ARFGEF1: variants seen among roughly 807,000 people sequenced by gnomAD.
ARFGEF1 encodes ARF guanine nucleotide exchange factor 1, also known as brefeldin A-inhibited guanine nucleotide-exchange protein 1.
A neutral mutation model predicts 231.0 loss-of-function variants in ARFGEF1; 42 were observed. The observed-to-expected ratio is 0.18, with a 90% CI of 0.14 to 0.24. ARFGEF1 has a LOEUF of 0.24. Ranked by LOEUF, ARFGEF1 falls within the 10% of genes least tolerant of loss-of-function variation. The probability of loss-of-function intolerance (pLI) is 1.00; values close to 1 mark genes in which losing one functional copy is unlikely to be tolerated. For synonymous variants in ARFGEF1, 710 were observed against 732.3 expected, an observed-to-expected ratio of 0.97 and a Z score of 0.49; for missense variants, 1,345 against 2,192.0, an observed-to-expected ratio of 0.61 and a Z score of 7.72.
intron 14 of ARFGEF1, among the ~76,000 whole-genome samples, chr8:67,264,093 A>G (rs1314504640): frequency 6.6e-6 from 1 of 152,154 alleles, no homozygotes; most frequent in Non-Finnish European, 1.5e-5. Flanking sequence ...GTATTATCAT[A>G]CCTTCAAAGC....
At chr8:67,263,027 T>C (rs930794693) in intron 14 of ARFGEF1, among the ~76,000 whole-genome samples, 2 of 152,200 alleles carry the variant, frequency 1.3e-5, no homozygotes, top group African/African-American at 4.8e-5. Context: ...CTTGGCTCAT[T>C]TGTCCAAATT....
At chr8:67,207,998 T>C (rs1838582490) in intron 34 of ARFGEF1, among the ~76,000 whole-genome samples, 1 of 152,204 alleles carries the variant, frequency 6.6e-6, no homozygotes, top group African/African-American at 2.4e-5. Context: ...GACCAAGTCC[T>C]GCCCTCACAA....
chr8:67,301,100 G>T, intron 3 of ARFGEF1, 124 bp downstream of exon 3: 2 of 950,770 alleles, frequency 2.1e-6, no homozygotes, highest in Non-Finnish European at 3.0e-6. Flanking sequence ...AAATCACTTG[G>T]ATTTTTTACC....
intron 10 of ARFGEF1, 70 bp from the exon 11 acceptor site, chr8:67,267,512 TC>T: frequency 9.7e-7 from 1 of 1,029,240 alleles, no homozygotes; most frequent in Non-Finnish European, 1.5e-6. Context: ...TTTTTAAACA[TC>T]CCAGAGCTAT....
intron 1 of ARFGEF1, among the ~76,000 whole-genome samples, chr8:67,310,355 T>G (rs545729348): frequency 6.6e-6 from 1 of 152,254 alleles, no homozygotes; most frequent in African/African-American, 2.4e-5. Context: ...AGCCTCAGCC[T>G]CCCGAGGTGC....
chr8:67,219,604 C>A, intron 29 of ARFGEF1, 44 bp from the exon 30 acceptor site: 2 of 1,536,632 alleles, frequency 1.3e-6, no homozygotes, highest in African/African-American at 2.8e-5. Context: ...TACAAAAAAG[C>A]ATACTTCTCC....
intron 20 of ARFGEF1, among the ~76,000 whole-genome samples, chr8:67,239,576 C>G (rs1223275707): frequency 1.3e-5 from 2 of 151,646 alleles, no homozygotes; most frequent in Non-Finnish European, 2.9e-5. Flanking sequence ...GTTTTGATTA[C>G]TAGATTAGCA....
At chr8:67,339,790 T>TGGGGGGGG (rs1479485264) in intron 1 of ARFGEF1, among the ~76,000 whole-genome samples, 1 of 420 alleles carries the variant, frequency 2.4e-3, no homozygotes, top group African/African-American at 4.9e-3. Context: ...TGTAACAGTG[T>TGGGGGGGG]GGGGCGGGGG....
At chr8:67,338,241 C>T (rs1808438945) in intron 1 of ARFGEF1, among the ~76,000 whole-genome samples, 1 of 152,112 alleles carries the variant, frequency 6.6e-6, no homozygotes, top group African/African-American at 2.4e-5. Flanking sequence ...CTACTTTCCC[C>T]AAACCTGTGT....
chr8:67,210,777 A>T (rs1838706217), intron 34 of ARFGEF1, among the ~76,000 whole-genome samples: 1 of 152,094 alleles, frequency 6.6e-6, no homozygotes, highest in African/African-American at 2.4e-5. Context: ...TGACATGGCC[A>T]GGCGCAGTGG....
chr8:67,342,533 C>A (rs1334482172), intron 1 of ARFGEF1, among the ~76,000 whole-genome samples: 1 of 152,048 alleles, frequency 6.6e-6, no homozygotes, highest in Non-Finnish European at 1.5e-5. Context: ...GCCACCCCCA[C>A]CCTCACCCCT....
chr8:67,304,675 C>T (rs1007962485), intron 1 of ARFGEF1, among the ~76,000 whole-genome samples: 4 of 152,096 alleles, frequency 2.6e-5, no homozygotes, highest in Non-Finnish European at 2.9e-5. Context: ...AAATATTAGC[C>T]GGGCATGGCG....
chr8:67,213,847 T>G (rs368405287), intron 33 of ARFGEF1, among the ~76,000 whole-genome samples: 1 of 152,194 alleles, frequency 6.6e-6, no homozygotes. Context: ...CCTACAAAAT[T>G]TCAAACCTGC....
intron 38 of ARFGEF1, 102 bp downstream of exon 38, chr8:67,200,294 T>A (rs576710798): frequency 1.2e-6 from 1 of 846,018 alleles, no homozygotes; most frequent in Non-Finnish European, 2.1e-6. Flanking sequence ...TGGGCACTGC[T>A]TGATTCATCT....
intron 10 of ARFGEF1, among the ~76,000 whole-genome samples, chr8:67,268,829 C>A (rs888446732): frequency 2.0e-5 from 3 of 152,128 alleles, no homozygotes; most frequent in Admixed American, 6.5e-5. Context: ...TTTGGCCCTG[C>A]CTGCTTAATA....
At position 67,198,788 on chromosome 8, in the gene ARFGEF1, A is replaced by G; in HGVS notation, c.*146T>C. ...GCACTAAAAGGGACTGGAGTGTTGC[A>G]AGTTTGAGTAAGACTTCTAAGCATC... On this transcript the variant is annotated 3_prime_UTR_variant, in exon 39 of 39. Coordinates refer to ENST00000262215, the MANE Select transcript of ARFGEF1 (RefSeq NM_006421.5). 6.9e-7 allele frequency: 1 copy of G among 1,440,474 alleles called. No individual in the cohort carries two copies. The highest frequency in any genetic ancestry group is 9.1e-7 in the Non-Finnish European group (1 of 1,101,274). The allele number at this position is 1,440,474 out of a possible 1,614,324, so 89.2% of individuals were successfully genotyped here.
chr8:67,207,967 G>A (rs1478544154), intron 34 of ARFGEF1, among the ~76,000 whole-genome samples: 1 of 152,158 alleles, frequency 6.6e-6, no homozygotes, highest in East Asian at 1.9e-4. Flanking sequence ...GTAGCCAAGT[G>A]CACACTTTCC....
chr8:67,238,995 T>G lies in ARFGEF1; in HGVS notation c.2980-102A>C, dbSNP rs923623334. 3.4e-5 allele frequency: 32 copies of G among 949,224 alleles called. No homozygotes were observed. The Middle Eastern group carries it at 1.2e-3, about 37-fold the overall frequency. The allele number at this position is 949,224 out of a possible 1,614,324, so 58.8% of individuals were successfully genotyped here. A position where few individuals can be genotyped will look rare whatever the true frequency, so the allele number is the denominator to read the frequency against. On this transcript the variant is annotated intron_variant, in intron 20 of 38. Transcript: ENST00000262215. ...TTACTTGTTCAGTAAGATTTTGTTT[T>G]TTTTTTTTTTAATTTATTTATTAAT...
intron 36 of ARFGEF1, among the ~76,000 whole-genome samples, chr8:67,202,312 G>A (rs1436803279): frequency 1.3e-5 from 2 of 151,900 alleles, no homozygotes; most frequent in African/African-American, 4.8e-5. Context: ...CAGGCTGGAG[G>A]GGAGTAGTGT....
Sources: allele counts gnomAD v4.1 joint callset (sites outside exome capture counted in the v4.1 genomes callset), GRCh38; gene constraint gnomAD v4.1.1; transcripts MANE v1.5; gene names NCBI Gene and HGNC (gene_info 2026-07-23, HGNC 2026-07-21).